Variants in NCAM1 observed in about 807,000 individuals in gnomAD.
The protein encoded by NCAM1 is neural cell adhesion molecule 1, also known as antigen recognized by monoclonal antibody 5.1H11.
In NCAM1, 14 loss-of-function variants were observed where a neutral mutation model predicts 109.8. That is an observed-to-expected ratio of 0.13 (90% CI 0.08 to 0.20). The LOEUF (loss-of-function observed/expected upper bound fraction) is 0.20. Among genes scored for constraint, NCAM1 ranks in the 10% least tolerant of loss-of-function variants. The pLI, the probability that NCAM1 is intolerant of heterozygous loss-of-function variation, is 1.00. For synonymous variants in NCAM1, 418 were observed against 442.9 expected, an observed-to-expected ratio of 0.94 and a Z score of 0.70; for missense variants, 774 against 1,109.9, an observed-to-expected ratio of 0.70 and a Z score of 4.30.
intron 1 of NCAM1, chr11:113,041,160 T>C (rs1953059678): frequency 6.6e-6 from 1 of 152,208 alleles, no homozygotes; most frequent in South Asian, 2.1e-4. Flanking sequence ...AAAACATGGT[T>C]TACACTCAAT....
intron 1 of NCAM1, among the ~76,000 whole-genome samples, chr11:113,127,451 C>T (rs1282042282): frequency 3.3e-5 from 5 of 152,062 alleles, no homozygotes; most frequent in Non-Finnish European, 7.4e-5. Context: ...AAGCTTGCAT[C>T]GTACTATTAC....
intron 1 of NCAM1, among the ~76,000 whole-genome samples, chr11:112,972,713 A>C (rs1555067047): frequency 2.0e-5 from 3 of 152,170 alleles, no homozygotes. Flanking sequence ...AAAGTAGGTG[A>C]GAATTAAGTA....
Position 113,053,854 on chromosome 11 carries a change from C to A in NCAM1, c.52+92190C>A, listed in dbSNP as rs544856364. On this transcript the variant is annotated intron_variant, in intron 1 of 19. Transcript: ENST00000316851. ...AGTCCCTGGGGGCTTGTGAATGTCC[C>A]TATGTTACTGAGAGCCCCTTATCAA... Among the ~76,000 whole-genome samples the A allele has an allele frequency of 3.3e-5, 5 of 152,290 alleles. No individual in the cohort carries two copies. The East Asian group carries it at 9.7e-4, about 29-fold the overall frequency.
chr11:113,101,760 A>G (rs1383074318), intron 1 of NCAM1, among the ~76,000 whole-genome samples: 1 of 152,184 alleles, frequency 6.6e-6, no homozygotes, highest in Non-Finnish European at 1.5e-5. Flanking sequence ...CATTTAATCC[A>G]AACAGTCAGG....
chr11:113,228,402 A>G (rs1565513921), intron 9 of NCAM1, among the ~76,000 whole-genome samples: 1 of 152,356 alleles, frequency 6.6e-6, no homozygotes, highest in African/African-American at 2.4e-5. Context: ...CTTCAAGGAA[A>G]ACTACAAACC....
At chr11:113,132,550 G>T (rs1242034898) in intron 1 of NCAM1, among the ~76,000 whole-genome samples, 1 of 151,310 alleles carries the variant, frequency 6.6e-6, no homozygotes, top group East Asian at 1.9e-4. Context: ...AGGCTCAGCC[G>T]CACAGCTTTA....
intron 1 of NCAM1, among the ~76,000 whole-genome samples, chr11:113,188,358 T>G (rs976894678): frequency 1.1e-4 from 17 of 152,310 alleles, no homozygotes; most frequent in African/African-American, 4.1e-4. Flanking sequence ...CACATCTATC[T>G]AAGAGCAGAC....
At chr11:113,263,031 G>A in intron 17 of NCAM1, 14 of 1,517,800 alleles carry the variant, frequency 9.2e-6, no homozygotes, top group Non-Finnish European at 1.1e-5. Flanking sequence ...CACAGCTGCT[G>A]AGCAACCATT....
chr11:113,210,152 C>T (rs1944346603), intron 7 of NCAM1, among the ~76,000 whole-genome samples: 2 of 152,248 alleles, frequency 1.3e-5, no homozygotes, highest in South Asian at 2.1e-4. Context: ...ACACGATCAT[C>T]ACCTGTCTCT....
chr11:113,096,138 C>T (rs1175580865), intron 1 of NCAM1, among the ~76,000 whole-genome samples: 2 of 152,074 alleles, frequency 1.3e-5, no homozygotes, highest in Non-Finnish European at 2.9e-5. Flanking sequence ...CAAAGGATGG[C>T]CTGGCTTGGG....
chr11:113,094,680 G>A (rs978593581), intron 1 of NCAM1, among the ~76,000 whole-genome samples: 1 of 152,078 alleles, frequency 6.6e-6, no homozygotes, highest in Non-Finnish European at 1.5e-5. Context: ...CCCTGTCTGG[G>A]GTCTATTTTT....
chr11:113,023,473 A>G (rs1555076608), intron 1 of NCAM1, among the ~76,000 whole-genome samples: 1 of 152,192 alleles, frequency 6.6e-6, no homozygotes, highest in African/African-American at 2.4e-5. Flanking sequence ...GGGCTTGTCC[A>G]TTTTTCATTC....
chr11:112,990,191 G>A (rs566021400), intron 1 of NCAM1, among the ~76,000 whole-genome samples: 7 of 152,306 alleles, frequency 4.6e-5, no homozygotes, highest in East Asian at 1.9e-4. Context: ...TCTGTAGAGA[G>A]CAGGCTTGAT....
intron 1 of NCAM1, among the ~76,000 whole-genome samples, chr11:112,985,747 T>C (rs979097507): frequency 2.6e-5 from 4 of 152,038 alleles, no homozygotes; most frequent in African/African-American, 9.7e-5. Context: ...GATTTTTGTA[T>C]GTTGACTTTG....
intron 1 of NCAM1, among the ~76,000 whole-genome samples, chr11:113,170,864 T>G (rs1461442003): frequency 2.6e-5 from 4 of 152,244 alleles, no homozygotes; most frequent in Non-Finnish European, 5.9e-5. Context: ...GCTAATTGCA[T>G]TAAAATAATT....
At chr11:112,995,237 A>G (rs1397636756) in intron 1 of NCAM1, among the ~76,000 whole-genome samples, 1 of 152,220 alleles carries the variant, frequency 6.6e-6, no homozygotes, top group Non-Finnish European at 1.5e-5. Context: ...ATGAAAAATA[A>G]TGAGATTTAT....
intron 1 of NCAM1, among the ~76,000 whole-genome samples, chr11:113,184,202 G>C (rs782712117): frequency 3.9e-5 from 6 of 152,200 alleles, no homozygotes; most frequent in Non-Finnish European, 7.4e-5. Context: ...AAGAGCATCT[G>C]TCCTTGGGAC....
At chr11:113,183,793 C>T (rs555356253) in intron 1 of NCAM1, among the ~76,000 whole-genome samples, 1 of 152,286 alleles carries the variant, frequency 6.6e-6, no homozygotes, top group East Asian at 1.9e-4. Context: ...CAGGAGGCTG[C>T]TTTGAATCTT....
intron 13 of NCAM1, among the ~76,000 whole-genome samples, chr11:113,234,467 C>A (rs1482278059): frequency 1.3e-5 from 2 of 152,140 alleles, no homozygotes; most frequent in Non-Finnish European, 2.9e-5. Flanking sequence ...CCTCCCAGCC[C>A]CTGGCAACCA....
Sources: gnomAD v4.1 joint callset for allele counts (sites outside exome capture counted in the v4.1 genomes callset) on GRCh38, gnomAD v4.1.1 for gene constraint, MANE v1.5 for transcripts, NCBI Gene and HGNC (gene_info 2026-07-23, HGNC 2026-07-21) for gene names.